Variants in EPB41L1 observed in about 807,000 individuals in gnomAD.
EPB41L1 encodes the protein band 4.1-like protein 1.
Under a neutral mutation model 97.8 loss-of-function variants are expected in EPB41L1, and 29 were observed. The ratio of observed to expected loss-of-function variants is 0.30; its 90% CI spans 0.22 to 0.40. EPB41L1 has a LOEUF of 0.40. EPB41L1 is among the 10% of genes least tolerant of loss of function. EPB41L1 has a pLI of 1.00. For synonymous variants in EPB41L1, 383 were observed against 459.2 expected (o/e 0.83, Z 2.12); for missense variants, 812 against 1,162.3 (o/e 0.70, Z 4.38).
chr20:36,229,471 T>C lies in EPB41L1; in HGVS notation c.*131T>C. On this transcript the variant is annotated 3_prime_UTR_variant, in exon 22 of 22. Coordinates refer to ENST00000338074, the MANE Select transcript of EPB41L1 (RefSeq NM_012156.2). ...CGACGTACTGTCACTGATGAGAGAC[T>C]GGGAAGGGAAAAGCATATATATATA... 1 of 862,382 alleles carries C rather than the reference T, an allele frequency of 1.2e-6. No homozygotes were observed. The highest frequency in any genetic ancestry group is 2.0e-6 in the Non-Finnish European group (1 of 503,080). The allele number at this position is 862,382 out of a possible 1,614,324, so 53.4% of individuals were successfully genotyped here. A position where few individuals can be genotyped will look rare whatever the true frequency, so the allele number is the denominator to read the frequency against.
chr20:36,178,748 C>T, intron 5 of EPB41L1, 76 bp downstream of exon 5: 1 of 1,469,810 alleles, frequency 6.8e-7, no homozygotes. Flanking sequence ...TTGTACTGCT[C>T]TCTCCTCCTT....
chr20:36,094,123 C>T (rs2057755779), intron 1 of EPB41L1, among the ~76,000 whole-genome samples: 1 of 152,182 alleles, frequency 6.6e-6, no homozygotes, highest in African/African-American at 2.4e-5. Context: ...TGTGTCCTCC[C>T]TGTGTACTTC....
In EPB41L1 at chr20:36,139,015, CTA is replaced by C. The variant is rs1425124609; in HGVS notation, c.-10+26536_-10+26537del. Among the ~76,000 whole-genome samples, 12 of 152,216 alleles carry C rather than the reference CTA, an allele frequency of 7.9e-5. No individual in the cohort carries two copies. The East Asian group carries it at 2.3e-3, about 29-fold the overall frequency. ...GAGCGGGAGGCCTGTAATTTGCTTT[CTA>C]ATCATGGTCCTCTGGATTTATAGCT... On this transcript the variant is annotated intron_variant, in intron 2 of 19. Coordinates refer to the EPB41L1 transcript ENST00000202028.
intron 1 of EPB41L1, among the ~76,000 whole-genome samples, chr20:36,106,069 TG>T (rs139909482): frequency 0.028 from 4,190 of 151,776 alleles, 211 homozygotes; most frequent in African/African-American, 0.096. Flanking sequence ...AGGGGAGGTG[TG>T]GGGGAGGGCA....
intron 9 of EPB41L1, among the ~76,000 whole-genome samples, chr20:36,189,206 C>T (rs1208782448): frequency 6.6e-6 from 1 of 152,160 alleles, no homozygotes; most frequent in Non-Finnish European, 1.5e-5. Flanking sequence ...CATCTTTTGC[C>T]TGTGCCTATG....
At chr20:36,109,380 A>G (rs1276484982) in intron 1 of EPB41L1, among the ~76,000 whole-genome samples, 1 of 152,152 alleles carries the variant, frequency 6.6e-6, no homozygotes, top group Non-Finnish European at 1.5e-5. Context: ...GCAAACTGAG[A>G]CTAATGGTGG....
At chr20:36,114,299 G>A (rs1055097752) in intron 2 of EPB41L1, among the ~76,000 whole-genome samples, 1 of 152,080 alleles carries the variant, frequency 6.6e-6, no homozygotes, top group African/African-American at 2.4e-5. Context: ...CCAGAATTTT[G>A]CCCTCCTCGT....
chr20:36,129,688 G>C lies in EPB41L1; in HGVS notation c.-10+17208G>C, dbSNP rs554591488. Among the ~76,000 whole-genome samples, 5 of 152,152 alleles carry C rather than the reference G, an allele frequency of 3.3e-5. No individual in the cohort carries two copies. The East Asian group carries it at 9.6e-4, about 29-fold the overall frequency. ...CTCTCCTTAACTGTTCAGTGTGTGG[G>C]TTCCTCAGGGCTGCATTGCAGTTAT... On this transcript the variant is annotated intron_variant, in intron 2 of 19. Coordinates refer to the EPB41L1 transcript ENST00000202028.
chr20:36,183,624 C>T (rs2061558180), intron 6 of EPB41L1, among the ~76,000 whole-genome samples: 1 of 152,172 alleles, frequency 6.6e-6, no homozygotes, highest in South Asian at 2.1e-4. Context: ...GCACAGATGG[C>T]CCCAGGAGAT....
At position 36,206,537 on chromosome 20, in the gene EPB41L1, A is replaced by G; in HGVS notation, c.1669-2951A>G. On this transcript the variant is annotated intron_variant, in intron 14 of 21. Coordinates refer to ENST00000338074, the MANE Select transcript of EPB41L1 (RefSeq NM_012156.2). The surrounding 1 kb of genome is among the most constrained non-coding windows in gnomAD (Gnocchi z 5.5). ...CTCCCTCCACCCCTGGAGGAGAGAA[A>G]AGGGCGCCTGGATGCCCCTCCCGGA... The G allele has an allele frequency of 7.8e-7, 1 of 1,289,812 alleles. No homozygotes were observed. The highest frequency in any genetic ancestry group is 1.0e-6 in the Non-Finnish European group (1 of 988,852). The allele number at this position is 1,289,812 out of a possible 1,614,324, so 79.9% of individuals were successfully genotyped here.
rs776042493 is a variant in EPB41L1, at chr20:36,170,011, GGCC to G, written c.-14-3752_-14-3750del. Among the ~76,000 whole-genome samples, 125 of 152,328 alleles carry G rather than the reference GGCC, an allele frequency of 8.2e-4. 1 individual carries two copies. Among genetic ancestry groups the G allele is most frequent in the South Asian group, 1.9e-3 (9 of 4,824 alleles). On this transcript the variant is annotated intron_variant, in intron 1 of 21. Transcript: ENST00000338074. ...GGCTCCATCAGTCTGTGCTCACCTG[GGCC>G]TGGGCAGAACCATGCCCACGTGACG... is the stretch of plus-strand genomic sequence containing the variant.
At chr20:36,176,517 T>C (rs2061238595) in intron 3 of EPB41L1, among the ~76,000 whole-genome samples, 1 of 152,184 alleles carries the variant, frequency 6.6e-6, no homozygotes, top group African/African-American at 2.4e-5. Context: ...TTCTCTCCCA[T>C]GCACTGATTT....
intron 2 of EPB41L1, among the ~76,000 whole-genome samples, chr20:36,140,279 C>T (rs1203753132): frequency 1.4e-4 from 21 of 145,006 alleles, no homozygotes; most frequent in Admixed American, 3.5e-4. Context: ...CCATGTTGGC[C>T]GTGCTGGTCT....
intron 1 of EPB41L1, among the ~76,000 whole-genome samples, chr20:36,100,178 G>A (rs989877933): frequency 1.3e-5 from 2 of 152,226 alleles, no homozygotes; most frequent in African/African-American, 4.8e-5. Flanking sequence ...AAGAGAGAGG[G>A]CTTATACTGT....
At position 36,098,366 on chromosome 20, in the gene EPB41L1, C is replaced by A. The variant is rs2057901959; in HGVS notation, c.-65+6754C>A. The stretch of plus-strand genomic sequence containing the variant: ...AGCACGCAAACCAGGTAGCTTTGAA[C>A]CACAGACATTTACTCCCCCACTTGT... On this transcript the variant is annotated intron_variant, in intron 1 of 19. Coordinates refer to the EPB41L1 transcript ENST00000202028. Among the ~76,000 whole-genome samples, 3 of 152,174 alleles carry A rather than the reference C, an allele frequency of 2.0e-5. 1 individual carries two copies. The highest frequency in any genetic ancestry group is 2.0e-4 in the Admixed American group (3 of 15,284).
At chr20:36,191,525 G>A (rs1338731314) in intron 11 of EPB41L1, among the ~76,000 whole-genome samples, 1 of 152,096 alleles carries the variant, frequency 6.6e-6, no homozygotes, top group Non-Finnish European at 1.5e-5. Flanking sequence ...AAATTCCCAG[G>A]TTTTGCCCCA....
chr20:36,104,147 A>C (rs2058113159), intron 1 of EPB41L1, among the ~76,000 whole-genome samples: 1 of 152,176 alleles, frequency 6.6e-6, no homozygotes, highest in African/African-American at 2.4e-5. Flanking sequence ...ACTCTAGTAC[A>C]AGAAGTCAGT....
chr20:36,138,580 A>G (rs2059508410), intron 2 of EPB41L1, among the ~76,000 whole-genome samples: 1 of 152,152 alleles, frequency 6.6e-6, no homozygotes, highest in African/African-American at 2.4e-5. Flanking sequence ...TTTTAAAGCC[A>G]CTATTTATTG....
intron 17 of EPB41L1, among the ~76,000 whole-genome samples, chr20:36,216,076 G>A (rs546857612): frequency 2.6e-5 from 4 of 152,184 alleles, no homozygotes; most frequent in African/African-American, 4.8e-5. Context: ...AGTGCCTGGC[G>A]CATAATAAGT....
Sources: allele counts gnomAD v4.1 joint callset (sites outside exome capture counted in the v4.1 genomes callset), GRCh38; gene constraint gnomAD v4.1.1; non-coding constraint Gnocchi (gnomAD v3.1); transcripts MANE v1.5; gene names NCBI Gene and HGNC (gene_info 2026-07-23, HGNC 2026-07-21).